NSD1: variants seen among roughly 807,000 people sequenced by gnomAD.
NSD1 encodes the protein nuclear receptor binding SET domain protein 1.
In NSD1, 26 loss-of-function variants were observed where a neutral mutation model predicts 242.7. That is an observed-to-expected ratio of 0.11 (90% CI 0.08 to 0.15). NSD1 has a LOEUF of 0.15. Ranked by LOEUF, NSD1 falls within the 10% of genes least tolerant of loss-of-function variation. NSD1 has a pLI of 1.00. For missense variants in NSD1, 2,495 were observed against 3,272.8 expected, an observed-to-expected ratio of 0.76 and a Z score of 5.80; for synonymous variants, 1,106 against 1,178.1, an observed-to-expected ratio of 0.94 and a Z score of 1.25.
chr5:177,291,452 A>C (rs1276855922), intron 21 of NSD1, among the ~76,000 whole-genome samples: 2 of 152,316 alleles, frequency 1.3e-5, no homozygotes, highest in African/African-American at 2.4e-5. Flanking sequence ...CAGGAGTTCG[A>C]GACCAGCTTA....
At chr5:177,150,199 T>C (rs565198237) in intron 2 of NSD1, among the ~76,000 whole-genome samples, 1 of 152,260 alleles carries the variant, frequency 6.6e-6, no homozygotes, top group African/African-American at 2.4e-5. Flanking sequence ...AATGGCACGA[T>C]CTCGGCTCAC....
At chr5:177,163,632 G>A (rs1449137156) in intron 2 of NSD1, among the ~76,000 whole-genome samples, 1 of 152,110 alleles carries the variant, frequency 6.6e-6, no homozygotes, top group Non-Finnish European at 1.5e-5. Flanking sequence ...CACATGGTAG[G>A]TACCTGCTGC....
At chr5:177,259,522 T>G (rs955013700) in intron 13 of NSD1, among the ~76,000 whole-genome samples, 3 of 152,186 alleles carry the variant, frequency 2.0e-5, no homozygotes, top group African/African-American at 7.2e-5. Context: ...TTTTTAATTG[T>G]TATTACAGAT....
intron 11 of NSD1, among the ~76,000 whole-genome samples, chr5:177,249,277 CAG>C (rs1491572573): frequency 5.3e-5 from 8 of 152,008 alleles, no homozygotes; most frequent in Non-Finnish European, 1.0e-4. Flanking sequence ...AGTTCTAGAC[CAG>C]TCTGGGCAGC....
chr5:177,275,363 G>C (rs375326950), intron 17 of NSD1, among the ~76,000 whole-genome samples: 1 of 148,796 alleles, frequency 6.7e-6, no homozygotes. Context: ...GGGTAATGCC[G>C]TAAGAAATCT....
intron 5 of NSD1, among the ~76,000 whole-genome samples, chr5:177,212,676 T>C (rs1244219535): frequency 6.6e-6 from 1 of 152,056 alleles, no homozygotes; most frequent in East Asian, 1.9e-4. Flanking sequence ...GGACTCAATA[T>C]GTAACTGCAA....
intron 2 of NSD1, among the ~76,000 whole-genome samples, chr5:177,191,448 A>G (rs1761689317): frequency 6.6e-6 from 1 of 152,194 alleles, no homozygotes; most frequent in African/African-American, 2.4e-5. Context: ...AAAAGCATGT[A>G]GAATATCACA....
chr5:177,250,520 C>G (rs1418325180), intron 11 of NSD1, among the ~76,000 whole-genome samples: 3 of 150,814 alleles, frequency 2.0e-5, no homozygotes, highest in Non-Finnish European at 4.4e-5. Flanking sequence ...ATTTCTAATT[C>G]ACGTTGTAAT....
intron 12 of NSD1, among the ~76,000 whole-genome samples, chr5:177,254,166 C>T (rs769857945): frequency 6.6e-5 from 10 of 152,192 alleles, no homozygotes; most frequent in South Asian, 2.1e-4. Flanking sequence ...AGGCTGGTCT[C>T]GGACTCCTGA....
At chr5:177,288,261 T>A (rs1256644605) in intron 20 of NSD1, among the ~76,000 whole-genome samples, 4 of 152,242 alleles carry the variant, frequency 2.6e-5, no homozygotes, top group Non-Finnish European at 5.9e-5. Flanking sequence ...TCATATTGTC[T>A]CAATAAGCTT....
At chr5:177,179,117 G>A (rs147855407) in intron 2 of NSD1, among the ~76,000 whole-genome samples, 4 of 152,284 alleles carry the variant, frequency 2.6e-5, no homozygotes, top group East Asian at 3.9e-4. Context: ...AGTGTAAATC[G>A]TGTGATGGAA....
At chr5:177,220,634 A>T (rs1359565859) in intron 5 of NSD1, among the ~76,000 whole-genome samples, 1 of 129,180 alleles carries the variant, frequency 7.7e-6, no homozygotes, top group Non-Finnish European at 1.5e-5. Flanking sequence ...CAGTGGCATG[A>T]TCTTAGCTCA....
Position 177,299,998 on chromosome 5 carries a change from A to G in NSD1, c.*4539A>G, listed in dbSNP as rs886060457. On this transcript the variant is annotated 3_prime_UTR_variant, in exon 23 of 23. Coordinates refer to ENST00000439151, the MANE Select transcript of NSD1 (RefSeq NM_022455.5). ...GCAAGCTGACGATAGACATCTACCT[A>G]TATTGTTAAGAAAGGGGTCGGGGGG... is the stretch of plus-strand genomic sequence containing the variant. 9.1e-6 allele frequency: 2 copies of G among 218,862 alleles called. No individual in the cohort carries two copies. Among genetic ancestry groups the G allele is most frequent in the Non-Finnish European group, 1.8e-5 (2 of 112,066 alleles). The allele number at this position is 218,862 out of a possible 1,614,324, so 13.6% of individuals were successfully genotyped here.
intron 2 of NSD1, among the ~76,000 whole-genome samples, chr5:177,189,336 T>C (rs1761489116): frequency 6.6e-6 from 1 of 152,206 alleles, no homozygotes; most frequent in Non-Finnish European, 1.5e-5. Context: ...CTGGCTATTG[T>C]CTTTACCTGA....
chr5:177,220,341 A>G (rs1562224806), intron 5 of NSD1, among the ~76,000 whole-genome samples: 1 of 152,176 alleles, frequency 6.6e-6, no homozygotes, highest in South Asian at 2.1e-4. Context: ...TTTGTTTTAT[A>G]TAAGTATGGC....
At chr5:177,208,879 A>G (rs987673429) in intron 4 of NSD1, among the ~76,000 whole-genome samples, 8 of 151,894 alleles carry the variant, frequency 5.3e-5, no homozygotes, top group Non-Finnish European at 1.2e-4. Flanking sequence ...TATTTTTAGT[A>G]GAGATGGGGT....
At position 177,212,215 on chromosome 5, in the gene NSD1, A is replaced by C; in HGVS notation, c.3796+20A>C. 1 of 1,595,808 alleles carries C rather than the reference A, an allele frequency of 6.3e-7. No individual in the cohort carries two copies. Among genetic ancestry groups the C allele is most frequent in the Non-Finnish European group, 8.5e-7 (1 of 1,173,202 alleles). On this transcript the variant is annotated intron_variant, in intron 5 of 22. Transcript: ENST00000439151. The stretch of plus-strand genomic sequence containing the variant: ...AACCAGGTAAGGACATCTAAATGTG[A>C]TAAAAAAAAAAAAATTGGAGAAAGT...
At chr5:177,222,796 A>G (rs572046387) in intron 5 of NSD1, among the ~76,000 whole-genome samples, 2 of 152,136 alleles carry the variant, frequency 1.3e-5, no homozygotes, top group South Asian at 2.1e-4. Flanking sequence ...GGTTTATTTG[A>G]TACACACATA....
intron 12 of NSD1, among the ~76,000 whole-genome samples, chr5:177,253,583 C>G (rs1317529763): frequency 1.3e-5 from 2 of 152,074 alleles, no homozygotes; most frequent in East Asian, 1.9e-4. Flanking sequence ...TGAGAACATT[C>G]AAGTTTTTGG....
Sources: allele counts gnomAD v4.1 joint callset (sites outside exome capture counted in the v4.1 genomes callset), GRCh38; gene constraint gnomAD v4.1.1; transcripts MANE v1.5; gene names NCBI Gene and HGNC (gene_info 2026-07-23, HGNC 2026-07-21).